The following HMX1 variants were observed in gnomAD, a reference collection of about 807,000 sequenced individuals.
The protein encoded by HMX1 is H6 family homeobox 1.
HMX1 carries 8 observed loss-of-function variants against 8.9 expected under a neutral mutation model. The observed-to-expected ratio is 0.90, with a 90% CI of 0.53 to 1.63. HMX1 has a LOEUF of 1.63. HMX1 is among the 40% of genes most tolerant of loss of function. The probability of loss-of-function intolerance (pLI) is 0.00; values close to 1 mark genes in which losing one functional copy is unlikely to be tolerated. For synonymous variants in HMX1, 311 were observed against 283.4 expected, an observed-to-expected ratio of 1.10 and a Z score of -0.98; for missense variants, 621 against 558.5, an observed-to-expected ratio of 1.11 and a Z score of -1.13.
Position 8,871,252 on chromosome 4 carries a change from G to T in HMX1, c.363C>A (p.His121Gln). ...GGAARWYPRAHGGYGGGLSPD... is the reference protein window; with the variant it reads ...GGAARWYPRAQGGYGGGLSPD... The stretch of plus-strand genomic sequence containing the variant: ...GACTGAGGCCGCCTCCATAGCCACC[G>T]TGCGCCCGTGGGTACCAGCGCGCTG... Residue 121 changes from histidine (H) to glutamine (Q), a missense_variant, in exon 1 of 2, where the codon CAC (histidine) becomes CAA (glutamine). Transcript: ENST00000400677. The surrounding 1 kb of genome is among the most constrained non-coding windows in gnomAD (Gnocchi z 4.8). 6.7e-7 allele frequency: 1 copy of T among 1,486,226 alleles called. No individual in the cohort carries two copies. Among genetic ancestry groups the T allele is most frequent in the Non-Finnish European group, 8.9e-7 (1 of 1,125,028 alleles). The allele number at this position is 1,486,226 out of a possible 1,614,324, so 92.1% of individuals were successfully genotyped here.
intron 1 of HMX1, among the ~76,000 whole-genome samples, chr4:8,846,489 C>A (rs1721281064): frequency 6.6e-6 from 1 of 152,222 alleles, no homozygotes; most frequent in Non-Finnish European, 1.5e-5. Flanking sequence ...AACTTGTCAA[C>A]ATGGGGGTTC....
rs1458850352 is a variant in HMX1, at chr4:8,846,195, C to T, written c.524G>A (p.Trp175Ter). ...AGGCTCCACCGTGTTGTGGCTGCAC[C>T]ATCCAGTCCCTGCGGCCTCCTCCGC... Residue 175 changes from tryptophan to a stop codon, truncating the protein, a stop_gained, in exon 2 of 2, where the codon TGG becomes TAG. Coordinates refer to the HMX1 transcript ENST00000506970. LOFTEE classifies it high-confidence loss of function. 1.4e-6 allele frequency: 2 copies of T among 1,400,930 alleles called. No individual in the cohort carries two copies. Among genetic ancestry groups the T allele is most frequent in the Non-Finnish European group, 9.7e-7 (1 of 1,026,070 alleles). 86.8% of individuals were successfully genotyped at this position (1,400,930 alleles called of 1,614,324 possible). A position where few individuals can be genotyped will look rare whatever the true frequency, so the allele number is the denominator to read the frequency against.
At chr4:8,861,241 G>T (rs975558336) in intron 1 of HMX1, among the ~76,000 whole-genome samples, 5 of 152,140 alleles carry the variant, frequency 3.3e-5, no homozygotes, top group African/African-American at 1.2e-4. Context: ...GCCCCAGCGG[G>T]GCAGGCAGGG....
At position 8,868,015 on chromosome 4, in the gene HMX1, A is replaced by C; in HGVS notation, c.725T>G (p.Leu242Arg). 6.5e-7 allele frequency: 1 copy of C among 1,541,748 alleles called. No homozygotes were observed. Among genetic ancestry groups the C allele is most frequent in the Non-Finnish European group, 8.7e-7 (1 of 1,144,982 alleles). ...CCAGATCTTAACCTGCGTCTCGGTG[A>C]GCTGCAGGGAGGCGGCCAGGCCGGC... The part of the protein sequence containing the change: ...ERAGLAASLQ[L>R]TETQVKIWFQ... The change falls in exon 2 of 2, where the codon CTC (leucine) becomes CGC (arginine). Residue 242 changes from leucine (L) to arginine (R), a missense_variant. Transcript: ENST00000400677. The surrounding 1 kb of genome is among the most constrained non-coding windows in gnomAD (Gnocchi z 4.6).
downstream of HMX1, among the ~76,000 whole-genome samples, chr4:8,865,036 G>T (rs10046932): frequency 0.066 from 10,043 of 152,228 alleles, 1,099 homozygotes; most frequent in African/African-American, 0.22. Flanking sequence ...CAGAGTGGAC[G>T]ATCTAAAACT....
chr4:8,867,721 A>C lies in HMX1; in HGVS notation c.1019T>G (p.Leu340Arg). ...CACCAGGCCAGGCATCTGCGCCCGC[A>C]GAAAGGGCACGGAGGCGGCGGCCGG... ...AFPAAASVPF[L>R]RAQMPGLV The change falls in exon 2 of 2, where the codon CTG becomes CGG. Residue 340 changes from leucine (L) to arginine (R), a missense_variant. Transcript: ENST00000400677. 2 of 1,280,724 alleles carry C rather than the reference A, an allele frequency of 1.6e-6. No homozygotes were observed. The highest frequency in any genetic ancestry group is 2.0e-6 in the Non-Finnish European group (2 of 1,017,254). 79.3% of individuals were successfully genotyped at this position (1,280,724 alleles called of 1,614,324 possible).
In HMX1 at chr4:8,848,073, A is replaced by G. The variant is rs1721331025; in HGVS notation, c.395-1749T>C. On this transcript the variant is annotated intron_variant, in intron 1 of 1. Transcript: ENST00000506970. This position sits in a 1 kb window ranked among gnomAD's most constrained non-coding sequence, Gnocchi z 4.1. ...TGGACAACACTGAAGTATGTTTGGAACAACTTGGGTCTGAGAATCTGCTTT... is the reference window on the plus strand; with the variant it reads ...TGGACAACACTGAAGTATGTTTGGAGCAACTTGGGTCTGAGAATCTGCTTT... Among the ~76,000 whole-genome samples the G allele has an allele frequency of 6.6e-6, 1 of 152,226 alleles. No homozygotes were observed. The highest frequency in any genetic ancestry group is 2.1e-4 in the South Asian group (1 of 4,826).
In HMX1 at chr4:8,870,949, T is replaced by C. The variant is rs898543354; in HGVS notation, c.394+272A>G. Among the ~76,000 whole-genome samples, 2 of 151,992 alleles carry C rather than the reference T, an allele frequency of 1.3e-5. No homozygotes were observed. Among genetic ancestry groups the C allele is most frequent in the African/African-American group, 2.4e-5 (1 of 41,398 alleles). ...TTCTTTGGCCTCCTGTTGTCCCCTG[T>C]CCCCAGCCTCCCTGGGACCGGAGGA... On this transcript the variant is annotated intron_variant, in intron 1 of 1. Coordinates refer to ENST00000400677, the MANE Select transcript of HMX1 (RefSeq NM_018942.3). The surrounding 1 kb of genome is among the most constrained non-coding windows in gnomAD (Gnocchi z 4.4).
intron 1 of HMX1, among the ~76,000 whole-genome samples, chr4:8,852,599 C>T (rs1454020331): frequency 6.6e-6 from 1 of 152,198 alleles, no homozygotes; most frequent in African/African-American, 2.4e-5. Flanking sequence ...TGTCTGAGCT[C>T]ACGGGAGTCA....
chr4:8,867,837 G>A lies in HMX1; in HGVS notation c.903C>T (p.Thr301=). The A allele has an allele frequency of 8.1e-7, 1 of 1,236,050 alleles. No individual in the cohort carries two copies. The highest frequency in any genetic ancestry group is 1.0e-6 in the Non-Finnish European group (1 of 991,802). The allele number at this position is 1,236,050 out of a possible 1,614,324, so 76.6% of individuals were successfully genotyped here. ...PAAAAAGPPA[T]LPFPLAPAAP... is the part of the protein sequence containing the mutation. ...CGGCGGGCGCCAGCGGGAAGGGCAG[G>A]GTGGCCGGGGGCCCAGCGGCGGCTG... is the stretch of plus-strand genomic sequence containing the variant. The change falls in exon 2 of 2, where the codon ACC becomes ACT. Residue 301 remains threonine (T), a synonymous_variant. Transcript: ENST00000400677.
rs575165175 is a variant in HMX1, at chr4:8,868,179, C to A, written c.561G>T (p.Ala187=). Reference sequence around the variant, plus strand: ...CGCCGCCGCGTGTCTCCCCAGCCGCCGCAGGGACCTCGGCCAGCTCCGACG... The same window carrying A: ...CGCCGCCGCGTGTCTCCCCAGCCGCAGCAGGGACCTCGGCCAGCTCCGACG... The part of the protein sequence containing the change: ...EEASELAEVP[A]AAGETRGGVG... The change falls in exon 2 of 2, where the codon GCG becomes GCT. Residue 187 remains alanine (A), a synonymous_variant. Coordinates refer to ENST00000400677, the MANE Select transcript of HMX1 (RefSeq NM_018942.3). The surrounding 1 kb of genome is among the most constrained non-coding windows in gnomAD (Gnocchi z 4.6). 4 of 1,496,334 alleles carry A rather than the reference C, an allele frequency of 2.7e-6. No individual in the cohort carries two copies. The highest frequency in any genetic ancestry group is 3.5e-6 in the Non-Finnish European group (4 of 1,128,694). 92.7% of individuals were successfully genotyped at this position (1,496,334 alleles called of 1,614,324 possible). A position where few individuals can be genotyped will look rare whatever the true frequency, so the allele number is the denominator to read the frequency against.
Position 8,867,571 on chromosome 4 carries a change from A to G in HMX1, c.*122T>C. ...CGGCCGCGGCCTGCGCTCCCGAGGT[A>G]TCTAGGAGGCCGCAGGAGCGACCAT... On this transcript the variant is annotated 3_prime_UTR_variant, in exon 2 of 2. Transcript: ENST00000400677. The G allele has an allele frequency of 8.5e-7, 1 of 1,177,838 alleles. No individual in the cohort carries two copies. The highest frequency in any genetic ancestry group is 1.0e-6 in the Non-Finnish European group (1 of 953,578). The allele number at this position is 1,177,838 out of a possible 1,614,324, so 73.0% of individuals were successfully genotyped here.
rs970797900 is a variant in HMX1, at chr4:8,847,320, T to A, written c.395-996A>T. ...TTTAATTTAAAAAGCCACTAAGTGA[T>A]CTGATGTCTCCTGAGAATATCTTTG... On this transcript the variant is annotated intron_variant, in intron 1 of 1. Transcript: ENST00000506970. The surrounding 1 kb of genome is among the most constrained non-coding windows in gnomAD (Gnocchi z 6.0). Among the ~76,000 whole-genome samples, 6 of 152,190 alleles carry A rather than the reference T, an allele frequency of 3.9e-5. No individual in the cohort carries two copies. Among genetic ancestry groups the A allele is most frequent in the African/African-American group, 1.4e-4 (6 of 41,448 alleles).
intron 1 of HMX1, chr4:8,859,010 G>A (rs1052580666): frequency 6.6e-6 from 1 of 152,346 alleles, no homozygotes; most frequent in Admixed American, 6.5e-5. Context: ...CTTGCTGGGT[G>A]CAGGAGCAGA....
chr4:8,862,011 C>G (rs549596031), intron 1 of HMX1, among the ~76,000 whole-genome samples: 1 of 152,216 alleles, frequency 6.6e-6, no homozygotes, highest in African/African-American at 2.4e-5. Context: ...AGCCCTTGTC[C>G]GTCCTCCCTG....
chr4:8,846,099 T>A (rs1721266478), exon 2 of HMX1: 2 of 626,704 alleles, frequency 3.2e-6, no homozygotes, highest in Admixed American at 5.5e-5. Context: ...TAAGGTTTAT[T>A]TCTTGCTCAC....
chr4:8,851,273 C>A (rs1295930913), intron 1 of HMX1, among the ~76,000 whole-genome samples: 3 of 152,216 alleles, frequency 2.0e-5, no homozygotes, highest in Non-Finnish European at 2.9e-5. Flanking sequence ...GAATGGCCCC[C>A]ACTCCCATCC....
Position 8,871,315 on chromosome 4 carries a change from G to A in HMX1, c.300C>T (p.Pro100=), listed in dbSNP as rs1463545903. The A allele has an allele frequency of 7.2e-6, 10 of 1,380,494 alleles. No individual in the cohort carries two copies. Among genetic ancestry groups the A allele is most frequent in the Non-Finnish European group, 9.3e-7 (1 of 1,074,442 alleles). The allele number at this position is 1,380,494 out of a possible 1,614,324, so 85.5% of individuals were successfully genotyped here. A position where few individuals can be genotyped will look rare whatever the true frequency, so the allele number is the denominator to read the frequency against. ...CCAGAGCGAAGGGCGGCCCGGGACC[G>A]GGGGGCGGCCGAGGACCGAGGCCCA... ...GALGLGPRPP[P]GPGPPFALGC... The change falls in exon 1 of 2, where the codon CCC becomes CCT. Residue 100 remains proline (P), a synonymous_variant. Transcript: ENST00000400677. This position sits in a 1 kb window ranked among gnomAD's most constrained non-coding sequence, Gnocchi z 4.8.
At chr4:8,865,391 C>T (rs1560180847), downstream of HMX1, among the ~76,000 whole-genome samples, 1 of 152,152 alleles carries the variant, frequency 6.6e-6, no homozygotes, top group Admixed American at 6.5e-5. Context: ...GTAGCATCGC[C>T]GTTGGGAAGG....
Sources: gnomAD v4.1 joint callset for allele counts (sites outside exome capture counted in the v4.1 genomes callset) on GRCh38, gnomAD v4.1.1 for gene constraint, Gnocchi (gnomAD v3.1) non-coding constraint, MANE v1.5 for transcripts, NCBI Gene and HGNC (gene_info 2026-07-23, HGNC 2026-07-21) for gene names.